NME6: variants seen among roughly 807,000 people sequenced by gnomAD.
The protein encoded by NME6 is nucleoside diphosphate kinase 6, mitochondrial.
A neutral mutation model predicts 22.2 loss-of-function variants in NME6; 16 were observed. The observed-to-expected ratio is 0.72, with a 90% CI of 0.49 to 1.09. The LOEUF is 1.09. NME6 is among the 50% of genes least tolerant of loss of function. The pLI is 0.00. For synonymous variants in NME6, 58 were observed against 85.2 expected, an observed-to-expected ratio of 0.68 and a Z score of 1.76; for missense variants, 229 against 239.0, an observed-to-expected ratio of 0.96 and a Z score of 0.28.
In NME6 at chr3:48,295,219, A is replaced by G; in HGVS notation, c.250T>C (p.Tyr84His). The stretch of plus-strand genomic sequence containing the variant: ...ATGGCATCCTTGTGGGCAAGGATGT[A>G]GGCTCGGATTGGCCCGCTGTGAACA... Reference protein sequence around the residue: ...EFMASGPIRAYILAHKDAIQL... With the variant: ...EFMASGPIRAHILAHKDAIQL... The change falls in exon 5 of 6, where the codon TAC becomes CAC. Residue 84 changes from tyrosine (Y) to histidine (H), a missense_variant. By Grantham distance (83) the Tyr-to-His change is moderately conservative. Transcript: ENST00000442597. 6.2e-7 allele frequency: 1 copy of G among 1,613,756 alleles called. No individual in the cohort carries two copies. The highest frequency in any genetic ancestry group is 8.5e-7 in the Non-Finnish European group (1 of 1,179,722).
chr3:48,296,622 A>T, intron 3 of NME6, 105 bp downstream of exon 3: 1 of 760,886 alleles, frequency 1.3e-6, no homozygotes, highest in Non-Finnish European at 2.2e-6. Flanking sequence ...CTGCAACTGT[A>T]CACGGTTGGT....
chr3:48,297,017 G>C (rs1297110376), intron 2 of NME6, among the ~76,000 whole-genome samples, 188 bp from the exon 3 acceptor site: 1 of 152,124 alleles, frequency 6.6e-6, no homozygotes, highest in African/African-American at 2.4e-5. Context: ...AAAGGGGATA[G>C]GATGCGCTGT....
In NME6 at chr3:48,293,554, C is replaced by T. The variant is rs1036800984; in HGVS notation, c.*1083G>A. 6.6e-6 allele frequency: 1 copy of T among 152,174 alleles called. No homozygotes were observed. The highest frequency in any genetic ancestry group is 1.5e-5 in the Non-Finnish European group (1 of 68,038). 9.4% of individuals were successfully genotyped at this position (152,174 alleles called of 1,614,324 possible). On this transcript the variant is annotated 3_prime_UTR_variant, in exon 6 of 6. Coordinates refer to ENST00000442597, the MANE Select transcript of NME6 (RefSeq NM_001308426.2). ...ATGGATACCCTATTTGACCTTCAGG[C>T]TTAGTTCCAAAGCCAGCTATATCTT...
At chr3:48,292,273 CATCT>C (rs1217835120), downstream of NME6, 1 of 152,192 alleles carries the variant, frequency 6.6e-6, no homozygotes, top group Non-Finnish European at 1.5e-5. Flanking sequence ...AACATATTTA[CATCT>C]ATCTCTATAG....
At chr3:48,299,634 A>G (rs1306164125) in intron 1 of NME6, among the ~76,000 whole-genome samples, 2 of 152,134 alleles carry the variant, frequency 1.3e-5, no homozygotes, top group Non-Finnish European at 2.9e-5. Context: ...CGACAAATAC[A>G]GAGAAGGCTT....
chr3:48,292,892 T>C lies in NME6; in HGVS notation c.*1745A>G, dbSNP rs1221187416. The C allele has an allele frequency of 1.3e-5, 2 of 152,184 alleles. No homozygotes were observed. The highest frequency in any genetic ancestry group is 4.8e-5 in the African/African-American group (2 of 41,420). 9.4% of individuals were successfully genotyped at this position (152,184 alleles called of 1,614,324 possible). On this transcript the variant is annotated 3_prime_UTR_variant, in exon 6 of 6. Transcript: ENST00000442597. Reference sequence around the variant, plus strand: ...AGCAAATGGCCTTAGAAGACAGAGATAGTATCTCCCTAAGATTGTGGTTCC... The same window carrying C: ...AGCAAATGGCCTTAGAAGACAGAGACAGTATCTCCCTAAGATTGTGGTTCC...
At chr3:48,300,567 A>T (rs1367318621) in intron 1 of NME6, 4 of 318,016 alleles carry the variant, frequency 1.3e-5, no homozygotes, top group African/African-American at 8.8e-5. Flanking sequence ...GAATGAACCA[A>T]CGAATGCACC....
chr3:48,290,528 A>T (rs550505506), downstream of NME6, among the ~76,000 whole-genome samples: 1 of 152,344 alleles, frequency 6.6e-6, no homozygotes, highest in Admixed American at 6.5e-5. Context: ...TACTAACTAT[A>T]TTCACCACAC....
At position 48,296,821 on chromosome 3, in the gene NME6, A is replaced by C. The variant is rs774731982; in HGVS notation, c.99T>G (p.His33Gln). 2.5e-6 allele frequency: 4 copies of C among 1,611,866 alleles called. No individual in the cohort carries two copies. The highest frequency in any genetic ancestry group is 3.3e-5 in the Admixed American group (2 of 59,884). ...GGAACTTGTTGCTTAGAATCTGCTG[A>C]TGAACAGCCTGAATAAAGACCATCC... is the stretch of plus-strand genomic sequence containing the variant. ...VAHPLILEAVHQQILSNKFLI... is the reference protein window; with the variant it reads ...VAHPLILEAVQQQILSNKFLI... Residue 33 changes from histidine to glutamine, a missense_variant, in exon 3 of 6, where the codon CAT (histidine) becomes CAG (glutamine). His to Gln is a conservative substitution (Grantham distance 24, BLOSUM62 0). Transcript: ENST00000442597.
downstream of NME6, chr3:48,291,434 G>T (rs907976103): frequency 3.1e-6 from 1 of 318,426 alleles, no homozygotes; most frequent in Non-Finnish European, 6.1e-6. Flanking sequence ...AGGCTGGAGT[G>T]TGTGCAGTGG....
chr3:48,291,001 C>A, downstream of NME6: 1 of 284,170 alleles, frequency 3.5e-6, no homozygotes, highest in South Asian at 3.9e-5. Context: ...GGTAATCGTT[C>A]AAATTTTGGA....
intron 1 of NME6, chr3:48,300,209 T>C (rs1025246143): frequency 2.2e-6 from 1 of 456,488 alleles, no homozygotes; most frequent in Admixed American, 2.3e-5. Flanking sequence ...ACCCTGTTCT[T>C]AGAATAAAAA....
chr3:48,301,298 C>T lies in NME6; in HGVS notation c.-8+55G>A, dbSNP rs745600670. On this transcript the variant is annotated intron_variant, in intron 1 of 5. Transcript: ENST00000442597. ...TCGTACCCGGGGCCTAAGCCCACCCCAGATTCTGGGTCATTCGGAGCCCCA... is the reference window on the plus strand; with the variant it reads ...TCGTACCCGGGGCCTAAGCCCACCCTAGATTCTGGGTCATTCGGAGCCCCA... 4 of 1,598,842 alleles carry T rather than the reference C, an allele frequency of 2.5e-6. No homozygotes were observed. In the South Asian group the frequency reaches 3.4e-5, roughly 14 times the overall value.
intron 4 of NME6, chr3:48,295,855 A>G (rs1193654333): frequency 1.2e-5 from 6 of 505,708 alleles, no homozygotes; most frequent in Non-Finnish European, 2.1e-5. Context: ...AGCTGGGATT[A>G]CAGGCACCTG....
rs1464263869 is a variant in NME6, at chr3:48,295,106, G to C, written c.363C>G (p.Leu121=). Residue 121 remains leucine (L), a synonymous_variant, in exon 5 of 6, where the codon CTC becomes CTG. Transcript: ENST00000442597. ...CATGGGTGGTGTTGCGGGTGTCAGTGAGGCCGAAACTCCCACGGATAGAAT... is the reference window on the plus strand; with the variant it reads ...CATGGGTGGTGTTGCGGGTGTCAGTCAGGCCGAAACTCCCACGGATAGAAT... ...APDSIRGSFG[L]TDTRNTTHGS... is the part of the protein sequence containing the mutation. 1 of 1,614,040 alleles carries C rather than the reference G, an allele frequency of 6.2e-7. No individual in the cohort carries two copies. The highest frequency in any genetic ancestry group is 1.3e-5 in the African/African-American group (1 of 74,936).
chr3:48,296,308 A>C, intron 3 of NME6, 150 bp from the exon 4 acceptor site: 8 of 1,086,492 alleles, frequency 7.4e-6, no homozygotes, highest in Non-Finnish European at 9.6e-6. Context: ...GTCTGAATCC[A>C]GGGTCTGCCA....
Position 48,298,414 on chromosome 3 carries a change from G to C in NME6, c.90+13C>G. 6.2e-7 allele frequency: 1 copy of C among 1,610,102 alleles called. No homozygotes were observed. Among genetic ancestry groups the C allele is most frequent in the Non-Finnish European group, 8.5e-7 (1 of 1,176,312 alleles). On this transcript the variant is annotated intron_variant, in intron 2 of 5. Coordinates refer to ENST00000442597, the MANE Select transcript of NME6 (RefSeq NM_001308426.2). ...CCCAGGGCATGCGGTAGAGACTTAG[G>C]ATTCATTCTTACCTCCAGAATCAGT...
Position 48,294,571 on chromosome 3 carries a change from G to T in NME6, c.*66C>A. On this transcript the variant is annotated 3_prime_UTR_variant, in exon 6 of 6. Transcript: ENST00000442597. Reference sequence around the variant, plus strand: ...GTAAGCCAGGCTTCCCTGGTCCTAGGAGAATGTTTTAGACTAGATGTCTAG... The same window carrying T: ...GTAAGCCAGGCTTCCCTGGTCCTAGTAGAATGTTTTAGACTAGATGTCTAG... The T allele has an allele frequency of 6.4e-7, 1 of 1,555,530 alleles. No homozygotes were observed. Among genetic ancestry groups the T allele is most frequent in the Non-Finnish European group, 8.8e-7 (1 of 1,135,778 alleles).
downstream of NME6, chr3:48,291,706 C>T: frequency 6.5e-6 from 1 of 153,724 alleles, no homozygotes; most frequent in Non-Finnish European, 1.4e-5. Context: ...TTTATAGAGA[C>T]AGGGTCTCAC....
Sources: allele counts gnomAD v4.1 joint callset (sites outside exome capture counted in the v4.1 genomes callset), GRCh38; gene constraint gnomAD v4.1.1; transcripts MANE v1.5; gene names NCBI Gene and HGNC (gene_info 2026-07-23, HGNC 2026-07-21).